SLC37A1: variants seen among roughly 807,000 people sequenced by gnomAD.
The protein encoded by SLC37A1 is glucose-6-phosphate exchanger SLC37A1.
Under a neutral mutation model 75.3 loss-of-function variants are expected in SLC37A1, and 49 were observed. The observed-to-expected ratio is 0.65, with a 90% CI of 0.52 to 0.83. The LOEUF (loss-of-function observed/expected upper bound fraction) is 0.83. Among genes scored for constraint, SLC37A1 ranks in the 40% least tolerant of loss-of-function variants. The probability of loss-of-function intolerance (pLI) is 0.00; values close to 1 mark genes in which losing one functional copy is unlikely to be tolerated. For missense variants in SLC37A1, 566 were observed against 695.0 expected (o/e 0.81, Z 2.09); for synonymous variants, 268 against 292.1 (o/e 0.92, Z 0.84).
At chr21:42,503,050 T>C (rs2054354021) in intron 2 of SLC37A1, 1 of 152,212 alleles carries the variant, frequency 6.6e-6, no homozygotes, top group Non-Finnish European at 1.5e-5. Flanking sequence ...AATCATTCTA[T>C]TTGTCACTTA....
rs1218568591 is a variant in SLC37A1 at position 42,530,650 on chromosome 21, ACACACC to A, written c.139-4046_139-4041del. 6.6e-3 allele frequency among the ~76,000 whole-genome samples: 169 copies of A among 25,606 alleles called. 2 individuals carry two copies. The highest frequency in any genetic ancestry group is 9.1e-3 in the African/African-American group (49 of 5,360). 16.8% of individuals were successfully genotyped at this position (25,606 alleles called of 152,430 possible). ...CACACACACACACACACACACACACACACACCCCCTCTGTGTTGGCTGAAGGTGGAG... is the reference window on the plus strand; with the variant it reads ...CACACACACACACACACACACACACACCCTCTGTGTTGGCTGAAGGTGGAG... On this transcript the variant is annotated intron_variant, in intron 3 of 19. Transcript: ENST00000352133.
chr21:42,501,641 G>A (rs1331385141), intron 1 of SLC37A1, among the ~76,000 whole-genome samples: 1 of 152,232 alleles, frequency 6.6e-6, no homozygotes. Flanking sequence ...GAACCCGGGA[G>A]GCAGAGGTTG....
At chr21:42,556,812 C>A (rs1266029656) in intron 10 of SLC37A1, among the ~76,000 whole-genome samples, 2 of 151,484 alleles carry the variant, frequency 1.3e-5, no homozygotes, top group African/African-American at 4.9e-5. Flanking sequence ...CCAGCCATGG[C>A]CCCACACTCT....
chr21:42,521,733 G>T (rs2054654268), intron 2 of SLC37A1, among the ~76,000 whole-genome samples: 1 of 152,142 alleles, frequency 6.6e-6, no homozygotes, highest in East Asian at 1.9e-4. Context: ...ACTGCAAAAA[G>T]TAAGCAGAAC....
At chr21:42,517,992 C>T (rs560614930) in intron 1 of SLC37A1, among the ~76,000 whole-genome samples, 1 of 152,186 alleles carries the variant, frequency 6.6e-6, no homozygotes, top group Non-Finnish European at 1.5e-5. Flanking sequence ...CTCTAGATGC[C>T]TCCCAGATAG....
intron 3 of SLC37A1, among the ~76,000 whole-genome samples, chr21:42,529,887 C>T (rs1259872634): frequency 1.3e-5 from 2 of 152,144 alleles, no homozygotes; most frequent in East Asian, 1.9e-4. Context: ...GGATGTCAAG[C>T]GTTAGCGCCT....
intron 18 of SLC37A1, among the ~76,000 whole-genome samples, chr21:42,577,211 CA>C (rs5844128): frequency 0.73 from 111,128 of 151,702 alleles, 41,495 homozygotes; most frequent in Admixed American, 0.79. Context: ...GAAATGCAAG[CA>C]AAAAAAAAGT....
chr21:42,556,698 G>A (rs1466006573), intron 10 of SLC37A1, among the ~76,000 whole-genome samples: 1 of 152,204 alleles, frequency 6.6e-6, no homozygotes, highest in East Asian at 1.9e-4. Flanking sequence ...TTGTTTAGAG[G>A]CAGAGGTGCC....
At chr21:42,570,330 C>T (rs1332289668) in intron 17 of SLC37A1, among the ~76,000 whole-genome samples, 1 of 151,906 alleles carries the variant, frequency 6.6e-6, no homozygotes, top group Non-Finnish European at 1.5e-5. Context: ...GGCAGGGTGG[C>T]TGTTGCTCAG....
intron 8 of SLC37A1, among the ~76,000 whole-genome samples, chr21:42,544,557 A>G (rs1253284159): frequency 1.3e-5 from 2 of 152,324 alleles, no homozygotes; most frequent in East Asian, 3.9e-4. Context: ...GAATGTCCAG[A>G]CACACCCATT....
intron 15 of SLC37A1, 136 bp downstream of exon 15, chr21:42,566,011 T>G: frequency 1.4e-6 from 1 of 723,954 alleles, no homozygotes; most frequent in Non-Finnish European, 2.3e-6. Flanking sequence ...AAATTGTCCG[T>G]GTCCTCCTTT....
chr21:42,506,208 A>G (rs934045046), intron 2 of SLC37A1, among the ~76,000 whole-genome samples: 1 of 152,228 alleles, frequency 6.6e-6, no homozygotes, highest in African/African-American at 2.4e-5. Context: ...GAAGTGATAT[A>G]TAGGAACTTT....
At chr21:42,503,728 T>A (rs1034466770) in intron 2 of SLC37A1, among the ~76,000 whole-genome samples, 14 of 152,226 alleles carry the variant, frequency 9.2e-5, no homozygotes, top group African/African-American at 3.4e-4. Flanking sequence ...AGCCCATTTT[T>A]AATTATCTAG....
intron 2 of SLC37A1, among the ~76,000 whole-genome samples, chr21:42,522,338 A>G (rs2054671669): frequency 6.6e-6 from 1 of 152,250 alleles, no homozygotes; most frequent in African/African-American, 2.4e-5. Flanking sequence ...CGTAGATAGA[A>G]TTACGAAATA....
At chr21:42,560,877 G>A (rs186581692) in intron 11 of SLC37A1, among the ~76,000 whole-genome samples, 620 of 152,344 alleles carry the variant, frequency 4.1e-3, no homozygotes, top group Middle Eastern at 0.01. Flanking sequence ...ATATAGTGGA[G>A]GTATAGACAG....
chr21:42,511,849 G>C (rs2054436148), upstream of SLC37A1, among the ~76,000 whole-genome samples: 1 of 152,070 alleles, frequency 6.6e-6, no homozygotes, highest in South Asian at 2.1e-4. Flanking sequence ...ACTTATTTTT[G>C]GAATCTGAAA....
intron 2 of SLC37A1, among the ~76,000 whole-genome samples, chr21:42,519,963 T>TG (rs369292532): frequency 0.17 from 23,777 of 140,828 alleles, 2,513 homozygotes; most frequent in African/African-American, 0.35. Flanking sequence ...CCACAGTGTG[T>TG]TTGTGTGTGT....
At chr21:42,523,070 G>C (rs2146737736) in intron 2 of SLC37A1, among the ~76,000 whole-genome samples, 2 of 152,392 alleles carry the variant, frequency 1.3e-5, no homozygotes, top group South Asian at 2.1e-4. Flanking sequence ...CTTCTGGGCT[G>C]TCTGGGTGGA....
chr21:42,508,529 G>A (rs1248530641), intron 2 of SLC37A1: 1 of 152,186 alleles, frequency 6.6e-6, no homozygotes, highest in African/African-American at 2.4e-5. Context: ...TAGTTGATGG[G>A]TCAGTTTCCT....
Sources: allele counts gnomAD v4.1 joint callset (sites outside exome capture counted in the v4.1 genomes callset), GRCh38; gene constraint gnomAD v4.1.1; transcripts MANE v1.5; gene names NCBI Gene and HGNC (gene_info 2026-07-23, HGNC 2026-07-21).